ULK4: variants seen among roughly 807,000 people sequenced by gnomAD.
ULK4 encodes the protein inactive serine/threonine-protein kinase ULK4.
Under a neutral mutation model 160.6 loss-of-function variants are expected in ULK4, and 133 were observed. That is an observed-to-expected ratio of 0.83 (90% confidence interval 0.72 to 0.96). The LOEUF is 0.96. ULK4 is among the 40% of genes least tolerant of loss of function. The probability of loss-of-function intolerance (pLI) is 0.00; values close to 1 mark genes in which losing one functional copy is unlikely to be tolerated. For synonymous variants in ULK4, 534 were observed against 539.8 expected, an observed-to-expected ratio of 0.99 and a Z score of 0.15; for missense variants, 1,580 against 1,499.5, an observed-to-expected ratio of 1.05 and a Z score of -0.89.
chr3:41,280,933 T>C (rs1270015345), intron 35 of ULK4, among the ~76,000 whole-genome samples: 9 of 150,458 alleles, frequency 6.0e-5, no homozygotes, highest in Admixed American at 1.3e-4. Context: ...AAGAAAAGAG[T>C]GAAGAATCAA....
intron 34 of ULK4, among the ~76,000 whole-genome samples, chr3:41,428,593 T>C (rs1454816673): frequency 6.6e-6 from 1 of 152,090 alleles, no homozygotes; most frequent in Non-Finnish European, 1.5e-5. Context: ...TGGAATAGAA[T>C]AGAGATCTCA....
intron 34 of ULK4, among the ~76,000 whole-genome samples, chr3:41,439,526 C>A (rs1264672689): frequency 1.3e-5 from 2 of 152,086 alleles, no homozygotes; most frequent in East Asian, 1.9e-4. Context: ...TGAGTGATAA[C>A]TGACATGCAA....
At chr3:41,700,796 G>A (rs1398957957) in intron 27 of ULK4, among the ~76,000 whole-genome samples, 2 of 152,104 alleles carry the variant, frequency 1.3e-5, no homozygotes, top group African/African-American at 4.8e-5. Flanking sequence ...CACATATACT[G>A]TAGAACTACA....
In ULK4 at chr3:41,442,935, T is replaced by C. The variant is rs563795993; in HGVS notation, c.3492+12562A>G. Among the ~76,000 whole-genome samples the C allele has an allele frequency of 1.1e-3, 170 of 152,338 alleles. 2 individuals are homozygous for C. Among genetic ancestry groups the C allele is most frequent in the African/African-American group, 3.8e-3 (156 of 41,584 alleles). ...AATAGTGCTTCTCTTCTTCTCATCA[T>C]ATAATTTATGACATAGAAACAGCAC... On this transcript the variant is annotated intron_variant, in intron 34 of 36. Transcript: ENST00000301831.
intron 35 of ULK4, among the ~76,000 whole-genome samples, chr3:41,371,053 C>G (rs1421339921): frequency 6.6e-6 from 1 of 152,212 alleles, no homozygotes; most frequent in Admixed American, 6.5e-5. Flanking sequence ...GCAGAGCCCA[C>G]CGCAGCTCAG....
intron 20 of ULK4, among the ~76,000 whole-genome samples, chr3:41,791,198 G>A (rs1305271402): frequency 6.6e-6 from 1 of 152,214 alleles, no homozygotes; most frequent in Non-Finnish European, 1.5e-5. Context: ...GTTTCACCGT[G>A]TTAGCCAGGA....
chr3:41,423,304 T>C (rs1025699968), intron 34 of ULK4, among the ~76,000 whole-genome samples: 6 of 152,166 alleles, frequency 3.9e-5, no homozygotes, highest in African/African-American at 1.2e-4. Context: ...AATGTGCTTA[T>C]GGTACGTTTT....
chr3:41,527,354 A>G (rs1041198928), intron 32 of ULK4, among the ~76,000 whole-genome samples: 1 of 152,238 alleles, frequency 6.6e-6, no homozygotes, highest in Middle Eastern at 3.2e-3. Flanking sequence ...TATAGTAACT[A>G]ATATTTCTGT....
At chr3:41,739,734 A>T (rs1320762059) in intron 22 of ULK4, among the ~76,000 whole-genome samples, 1 of 151,918 alleles carries the variant, frequency 6.6e-6, no homozygotes, top group Non-Finnish European at 1.5e-5. Flanking sequence ...AAATGTCAAC[A>T]AAGACTCCTT....
At chr3:41,652,154 C>A (rs2034768840) in intron 30 of ULK4, among the ~76,000 whole-genome samples, 1 of 152,034 alleles carries the variant, frequency 6.6e-6, no homozygotes, top group African/African-American at 2.4e-5. Context: ...TATCATGAAA[C>A]AAGGGGAAAC....
chr3:41,725,362 A>T (rs748327906), intron 22 of ULK4, among the ~76,000 whole-genome samples: 7 of 152,130 alleles, frequency 4.6e-5, no homozygotes, highest in Non-Finnish European at 8.8e-5. Flanking sequence ...CGTTTATTAT[A>T]AAACCCACAA....
At chr3:41,470,917 GAAGA>G (rs758477116) in intron 32 of ULK4, among the ~76,000 whole-genome samples, 19 of 152,160 alleles carry the variant, frequency 1.2e-4, no homozygotes, top group Non-Finnish European at 2.5e-4. Flanking sequence ...GACAAGAGAG[GAAGA>G]AAGAAGCAAA....
At chr3:41,360,151 A>G (rs1673759844) in intron 35 of ULK4, among the ~76,000 whole-genome samples, 1 of 152,246 alleles carries the variant, frequency 6.6e-6, no homozygotes, top group Non-Finnish European at 1.5e-5. Flanking sequence ...TATACAGCCA[A>G]CAAACATGAA....
chr3:41,831,528 T>TAGAGAGAGAGAG (rs1559590619), intron 18 of ULK4, among the ~76,000 whole-genome samples: 2 of 131,910 alleles, frequency 1.5e-5, no homozygotes, highest in African/African-American at 7.3e-5. Flanking sequence ...TATATATATA[T>TAGAGAGAGAGAG]ATATTTTTTT....
chr3:41,393,367 T>G lies in ULK4; in HGVS notation c.3678+4712A>C, dbSNP rs147380292. Among the ~76,000 whole-genome samples the G allele has an allele frequency of 1.4e-3, 217 of 152,262 alleles. 1 individual carries two copies. The highest frequency in any genetic ancestry group is 5.1e-3 in the African/African-American group (212 of 41,558). On this transcript the variant is annotated intron_variant, in intron 35 of 36. Transcript: ENST00000301831. ...AAACTCTAAATGCTCCTAAAGCTCA[T>G]GTTTAGTAAAGCTCTGGCTTTTCCT...
intron 35 of ULK4, among the ~76,000 whole-genome samples, chr3:41,323,747 G>A (rs2080290097): frequency 6.6e-6 from 1 of 152,090 alleles, no homozygotes; most frequent in African/African-American, 2.4e-5. Context: ...CACAGTGTAA[G>A]GGGGTTGCAT....
At chr3:41,934,848 G>A (rs1211893501) in intron 4 of ULK4, among the ~76,000 whole-genome samples, 1 of 152,012 alleles carries the variant, frequency 6.6e-6, no homozygotes, top group Admixed American at 6.6e-5. Context: ...TGTGTACAAT[G>A]ACTTAAGAGC....
intron 23 of ULK4, 61 bp from the exon 24 acceptor site, chr3:41,715,629 T>TG: frequency 1.2e-6 from 2 of 1,605,324 alleles, no homozygotes; most frequent in Non-Finnish European, 1.7e-6. Flanking sequence ...TAGGAGCCAC[T>TG]GGTCATTGCT....
chr3:41,512,644 C>T (rs2085618314), intron 32 of ULK4, among the ~76,000 whole-genome samples: 1 of 152,080 alleles, frequency 6.6e-6, no homozygotes, highest in South Asian at 2.1e-4. Context: ...CAAATGTAAA[C>T]ATATCCCATG....
Sources: allele counts gnomAD v4.1 joint callset (sites outside exome capture counted in the v4.1 genomes callset), GRCh38; gene constraint gnomAD v4.1.1; transcripts MANE v1.5; gene names NCBI Gene and HGNC (gene_info 2026-07-23, HGNC 2026-07-21).